The following GPR39 variants were observed in gnomAD, a reference collection of about 807,000 sequenced individuals.
GPR39 encodes the protein G protein-coupled receptor 39.
GPR39 carries 23 observed loss-of-function variants against 18.4 expected under a neutral mutation model. The observed-to-expected ratio is 1.25, with a 90% CI of 0.90 to 1.77. GPR39 has a LOEUF of 1.77. Among genes scored for constraint, GPR39 ranks in the 40% most tolerant of loss-of-function variants. The pLI, the probability that GPR39 is intolerant of heterozygous loss-of-function variation, is 0.00. For synonymous variants in GPR39, 280 were observed against 257.9 expected (o/e 1.09, Z -0.82); for missense variants, 647 against 602.4 (o/e 1.07, Z -0.78).
At chr2:132,562,960 C>G (rs909230985) in intron 1 of GPR39, among the ~76,000 whole-genome samples, 5 of 152,166 alleles carry the variant, frequency 3.3e-5, no homozygotes, top group African/African-American at 1.2e-4. Context: ...AGTGAAAATG[C>G]AATCCCTAAA....
chr2:132,514,072 G>A (rs1679286527), intron 1 of GPR39, among the ~76,000 whole-genome samples: 1 of 152,124 alleles, frequency 6.6e-6, no homozygotes, highest in South Asian at 2.1e-4. Flanking sequence ...GCAGCAGGAG[G>A]GTGGGTGATA....
chr2:132,567,927 C>T (rs1405149805), intron 1 of GPR39, among the ~76,000 whole-genome samples: 2 of 151,958 alleles, frequency 1.3e-5, no homozygotes, highest in African/African-American at 2.4e-5. Context: ...GTGAGACATG[C>T]CTTTCACCTT....
At chr2:132,480,198 T>C (rs2104788921) in intron 1 of GPR39, among the ~76,000 whole-genome samples, 1 of 152,292 alleles carries the variant, frequency 6.6e-6, no homozygotes, top group Middle Eastern at 3.4e-3. Flanking sequence ...ATATGAGGTA[T>C]CTAAAGTTGA....
At chr2:132,556,891 A>C (rs949321587) in intron 1 of GPR39, among the ~76,000 whole-genome samples, 1 of 152,214 alleles carries the variant, frequency 6.6e-6, no homozygotes, top group Non-Finnish European at 1.5e-5. Context: ...TACTTTACTG[A>C]AATCCATTCT....
chr2:132,524,964 C>T (rs1382460406), intron 1 of GPR39, among the ~76,000 whole-genome samples: 1 of 152,184 alleles, frequency 6.6e-6, no homozygotes, highest in Non-Finnish European at 1.5e-5. Context: ...CCTGACAGGA[C>T]CATGGGAATT....
intron 1 of GPR39, among the ~76,000 whole-genome samples, chr2:132,465,074 A>G (rs1201465812): frequency 6.6e-6 from 1 of 152,232 alleles, no homozygotes; most frequent in Non-Finnish European, 1.5e-5. Context: ...TTGAGACATA[A>G]TTCATTTAAT....
At chr2:132,473,676 T>A (rs1028309973) in intron 1 of GPR39, among the ~76,000 whole-genome samples, 13 of 152,236 alleles carry the variant, frequency 8.5e-5, no homozygotes, top group African/African-American at 3.1e-4. Context: ...CGACTACCAC[T>A]TGGCTAATTG....
chr2:132,501,109 T>G (rs1679029591), intron 1 of GPR39, among the ~76,000 whole-genome samples: 2 of 150,956 alleles, frequency 1.3e-5, no homozygotes, highest in African/African-American at 4.9e-5. Context: ...CTGATCTTTG[T>G]TATTTCTTTT....
chr2:132,598,286 TTG>T (rs1162229241), intron 1 of GPR39, among the ~76,000 whole-genome samples: 1 of 152,154 alleles, frequency 6.6e-6, no homozygotes. Flanking sequence ...TTCCGGGTAT[TTG>T]TTAAACCAGT....
At chr2:132,459,529 C>T (rs113130547) in intron 1 of GPR39, among the ~76,000 whole-genome samples, 4 of 152,268 alleles carry the variant, frequency 2.6e-5, no homozygotes, top group Non-Finnish European at 4.4e-5. Context: ...GATTGCACCA[C>T]CTTTTTGTAT....
At chr2:132,456,965 G>C (rs541509531) in intron 1 of GPR39, among the ~76,000 whole-genome samples, 155 of 152,236 alleles carry the variant, frequency 1.0e-3, no homozygotes, top group African/African-American at 3.5e-3. Flanking sequence ...TCTTGGGGTG[G>C]CTCTCCTCGA....
intron 1 of GPR39, among the ~76,000 whole-genome samples, chr2:132,480,687 G>T (rs1345399996): frequency 6.6e-6 from 1 of 152,290 alleles, no homozygotes; most frequent in East Asian, 1.9e-4. Context: ...AAATGATGGA[G>T]GCTTTCCCAG....
At chr2:132,566,766 A>G (rs1337493283) in intron 1 of GPR39, among the ~76,000 whole-genome samples, 1 of 152,196 alleles carries the variant, frequency 6.6e-6, no homozygotes, top group Non-Finnish European at 1.5e-5. Context: ...ACTGTGGTAC[A>G]CATAACGTTC....
chr2:132,544,918 C>T (rs1679918447), intron 1 of GPR39, among the ~76,000 whole-genome samples: 1 of 152,122 alleles, frequency 6.6e-6, no homozygotes, highest in Non-Finnish European at 1.5e-5. Flanking sequence ...AAAGGCACCA[C>T]TCAAAGGTGG....
At chr2:132,537,429 A>T (rs996307390) in intron 1 of GPR39, among the ~76,000 whole-genome samples, 8 of 151,832 alleles carry the variant, frequency 5.3e-5, no homozygotes, top group Non-Finnish European at 1.0e-4. Context: ...ATTTCTGCTG[A>T]GAAATCCACT....
At chr2:132,623,671 T>G (rs77102354) in intron 1 of GPR39, among the ~76,000 whole-genome samples, 1,952 of 152,328 alleles carry the variant, frequency 0.013, 48 homozygotes, top group African/African-American at 0.044. Context: ...GTTTCTTTCC[T>G]CATTTACAAA....
chr2:132,603,428 AGAG>A (rs1442976615), intron 1 of GPR39, among the ~76,000 whole-genome samples: 2 of 152,168 alleles, frequency 1.3e-5, no homozygotes, highest in Non-Finnish European at 2.9e-5. Flanking sequence ...TTACAGCTAG[AGAG>A]GAGGTATGAG....
In GPR39 at chr2:132,437,526, G is replaced by A. The variant is rs115963928; in HGVS notation, c.856+19628G>A. Among the ~76,000 whole-genome samples the A allele has an allele frequency of 3.2e-3, 492 of 152,266 alleles. 2 individuals carry two copies. The highest frequency in any genetic ancestry group is 0.011 in the African/African-American group (461 of 41,538). ...TGCTACCTCCTGAGGCAGCTGCTCCGTGTCATGTCTGGGCCTGTGGGTTGG... is the reference window on the plus strand; with the variant it reads ...TGCTACCTCCTGAGGCAGCTGCTCCATGTCATGTCTGGGCCTGTGGGTTGG... On this transcript the variant is annotated intron_variant, in intron 1 of 1. Transcript: ENST00000329321.
intron 1 of GPR39, among the ~76,000 whole-genome samples, chr2:132,557,172 A>C (rs1406774853): frequency 6.6e-6 from 1 of 152,132 alleles, no homozygotes; most frequent in Non-Finnish European, 1.5e-5. Flanking sequence ...TACAAAAATT[A>C]GCTGGGCATA....
Sources: allele counts gnomAD v4.1 joint callset (sites outside exome capture counted in the v4.1 genomes callset), GRCh38; gene constraint gnomAD v4.1.1; transcripts MANE v1.5; gene names NCBI Gene and HGNC (gene_info 2026-07-23, HGNC 2026-07-21).